Variants in CAPN3 observed in about 807,000 individuals in gnomAD.
CAPN3 encodes calpain 3, also known as calpain-3.
CAPN3 carries 88 observed loss-of-function variants against 114.0 expected under a neutral mutation model. The observed-to-expected ratio is 0.77, with a 90% confidence interval of 0.65 to 0.92. The LOEUF (loss-of-function observed/expected upper bound fraction) is 0.92. Ranked by LOEUF, CAPN3 falls within the 40% of genes least tolerant of loss-of-function variation. CAPN3 has a pLI of 0.00. For missense variants in CAPN3, 1,028 were observed against 1,069.0 expected (o/e 0.96, Z 0.53); for synonymous variants, 386 against 382.9 (o/e 1.01, Z -0.09).
At chr15:42,375,500 TC>T (rs2053067039) in intron 1 of CAPN3, among the ~76,000 whole-genome samples, 1 of 151,600 alleles carries the variant, frequency 6.6e-6, no homozygotes, top group Non-Finnish European at 1.5e-5. Flanking sequence ...TTGGAGAGGC[TC>T]AGAGCTCCAA....
chr15:42,395,953 T>G (rs1018117780), intron 8 of CAPN3, among the ~76,000 whole-genome samples: 1 of 152,228 alleles, frequency 6.6e-6, no homozygotes, highest in African/African-American at 2.4e-5. Context: ...CTGCCCAGCC[T>G]TTAGAAGCAC....
chr15:42,405,983 T>A, intron 15 of CAPN3, 40 bp downstream of exon 15: 1 of 1,572,368 alleles, frequency 6.4e-7, no homozygotes, highest in East Asian at 2.2e-5. Flanking sequence ...TGTGTACTCA[T>A]GCATATGTAT....
rs1365585164 is a variant in CAPN3 at position 42,412,303 on chromosome 15, T to G, written c.*530T>G. 1 of 878,510 alleles carries G rather than the reference T, an allele frequency of 1.1e-6. No individual in the cohort carries two copies. Among genetic ancestry groups the G allele is most frequent in the African/African-American group, 1.7e-5 (1 of 59,764 alleles). The allele number at this position is 878,510 out of a possible 1,614,324, so 54.4% of individuals were successfully genotyped here. A position where few individuals can be genotyped will look rare whatever the true frequency, so the allele number is the denominator to read the frequency against. The stretch of plus-strand genomic sequence containing the variant: ...AAAAAAGCTGATCTAAATAAAGGCA[T>G]GTGTATGGCTGGTCCCCTTGTGTTT... On this transcript the variant is annotated 3_prime_UTR_variant, in exon 24 of 24. Transcript: ENST00000397163.
At position 42,412,312 on chromosome 15, in the gene CAPN3, C is replaced by A; in HGVS notation, c.*539C>A. The A allele has an allele frequency of 1.2e-6, 1 of 828,718 alleles. No individual in the cohort carries two copies. The highest frequency in any genetic ancestry group is 1.9e-6 in the Non-Finnish European group (1 of 534,386). The allele number at this position is 828,718 out of a possible 1,614,324, so 51.3% of individuals were successfully genotyped here. ...GATCTAAATAAAGGCATGTGTATGG[C>A]TGGTCCCCTTGTGTTTTGTTGTCTC... is the stretch of plus-strand genomic sequence containing the variant. On this transcript the variant is annotated 3_prime_UTR_variant, in exon 24 of 24. Transcript: ENST00000397163.
intron 23 of CAPN3, 66 bp downstream of exon 23, chr15:42,411,411 G>A (rs61545454): frequency 1.3e-5 from 18 of 1,395,084 alleles, no homozygotes; most frequent in East Asian, 9.1e-5. Context: ...TCAACGGGGC[G>A]GACTGGACCC....
intron 8 of CAPN3, among the ~76,000 whole-genome samples, chr15:42,395,251 G>C (rs565852047): frequency 6.6e-6 from 1 of 152,186 alleles, no homozygotes; most frequent in Admixed American, 6.5e-5. Flanking sequence ...TGATCCTCAT[G>C]TCCTGACTGC....
At chr15:42,375,101 GC>G (rs1382338594) in intron 1 of CAPN3, among the ~76,000 whole-genome samples, 5 of 151,124 alleles carry the variant, frequency 3.3e-5, no homozygotes, top group Admixed American at 1.3e-4. Context: ...CAATCCTCTT[GC>G]CTAGGCCTCC....
chr15:42,409,883 G>GGGGCCCCCCC, intron 18 of CAPN3, 39 bp downstream of exon 18: 1 of 559,364 alleles, frequency 1.8e-6, no homozygotes, highest in Non-Finnish European at 3.5e-6. Context: ...GGTGGGTGGG[G>GGGGCCCCCCC]AGTCCCGTTG....
chr15:42,361,123 AATG>A (rs1171239047), intron 1 of CAPN3, among the ~76,000 whole-genome samples: 2 of 152,156 alleles, frequency 1.3e-5, no homozygotes, highest in Non-Finnish European at 2.9e-5. Flanking sequence ...TCTCTGAGGA[AATG>A]ATGACAAGCT....
intron 1 of CAPN3, among the ~76,000 whole-genome samples, chr15:42,380,719 C>G (rs1164145834): frequency 5.8e-5 from 8 of 138,554 alleles, no homozygotes; most frequent in Non-Finnish European, 1.1e-4. Flanking sequence ...TCTCTCCCCC[C>G]ACCTTCCCCA....
chr15:42,380,965 G>A (rs1018201069), intron 1 of CAPN3, among the ~76,000 whole-genome samples: 54 of 151,398 alleles, frequency 3.6e-4, no homozygotes, highest in African/African-American at 1.3e-3. Flanking sequence ...TCCAGTATAC[G>A]TTTTCAACCA....
chr15:42,387,934 G>T, intron 4 of CAPN3, 48 bp downstream of exon 4: 1 of 1,613,182 alleles, frequency 6.2e-7, no homozygotes, highest in Non-Finnish European at 8.5e-7. Context: ...TGAGAAAGTG[G>T]GTTGCAAAAT....
chr15:42,384,446 G>A, intron 1 of CAPN3, 37 bp from the exon 2 acceptor site: 1 of 1,469,646 alleles, frequency 6.8e-7, no homozygotes, highest in Non-Finnish European at 9.5e-7. Flanking sequence ...TCTATCTACT[G>A]TTATTCTTAC....
At position 42,380,528 on chromosome 15, in the gene CAPN3, A is replaced by G. The variant is rs910852108; in HGVS notation, c.310-3955A>G. On this transcript the variant is annotated intron_variant, in intron 1 of 23. Coordinates refer to ENST00000397163, the MANE Select transcript of CAPN3 (RefSeq NM_000070.3). The stretch of plus-strand genomic sequence containing the variant: ...CCTGAGTAGCTGGGACTACAGGTGC[A>G]TGCCACAATGCCAAACTAATATGTT... 5.4e-5 allele frequency among the ~76,000 whole-genome samples: 8 copies of G among 148,128 alleles called. No individual in the cohort carries two copies. The East Asian group carries it at 1.6e-3, about 29-fold the overall frequency.
intron 1 of CAPN3, among the ~76,000 whole-genome samples, chr15:42,373,919 G>C (rs1451656734): frequency 2.0e-5 from 3 of 152,174 alleles, no homozygotes; most frequent in African/African-American, 4.8e-5. Context: ...AGTGTCAAAG[G>C]CATGAACATC....
intron 1 of CAPN3, among the ~76,000 whole-genome samples, chr15:42,364,508 A>G (rs1185522649): frequency 6.6e-6 from 1 of 152,236 alleles, no homozygotes; most frequent in East Asian, 1.9e-4. Flanking sequence ...AGCTACAGCA[A>G]TGTGTTTGAG....
intron 10 of CAPN3, among the ~76,000 whole-genome samples, chr15:42,400,753 G>A (rs1348365738): frequency 6.6e-6 from 1 of 152,090 alleles, no homozygotes; most frequent in African/African-American, 2.4e-5. Flanking sequence ...TAATTGTGGG[G>A]TTCTAGGGAA....
At chr15:42,399,450 A>T (rs1318147830) in intron 9 of CAPN3, 42 bp from the exon 10 acceptor site, 5 of 1,523,222 alleles carry the variant, frequency 3.3e-6, no homozygotes, top group Non-Finnish European at 4.6e-6. Flanking sequence ...AGCCCTCCTC[A>T]CCTGCTCCCA....
At chr15:42,400,750 G>A (rs748769737) in intron 10 of CAPN3, among the ~76,000 whole-genome samples, 1 of 152,016 alleles carries the variant, frequency 6.6e-6, no homozygotes, top group Admixed American at 6.6e-5. Context: ...AGTTAATTGT[G>A]GGGTTCTAGG....
Sources: allele counts gnomAD v4.1 joint callset (sites outside exome capture counted in the v4.1 genomes callset), GRCh38; gene constraint gnomAD v4.1.1; transcripts MANE v1.5; gene names NCBI Gene and HGNC (gene_info 2026-07-23, HGNC 2026-07-21).